CROCC2: variants seen among roughly 807,000 people sequenced by gnomAD.
CROCC2 encodes the protein ciliary rootlet coiled-coil, rootletin family member 2.
CROCC2 carries 163 observed loss-of-function variants against 177.6 expected under a neutral mutation model. That is an observed-to-expected ratio of 0.92 (90% CI 0.81 to 1.05). The LOEUF (loss-of-function observed/expected upper bound fraction) is 1.05, where lower values mean the gene tolerates loss of function less well. Among genes scored for constraint, CROCC2 ranks in the 50% least tolerant of loss-of-function variants. CROCC2 has a pLI of 0.00. For missense variants in CROCC2, 1,929 were observed against 1,797.8 expected, an observed-to-expected ratio of 1.07 and a Z score of -1.32; for synonymous variants, 904 against 787.3, an observed-to-expected ratio of 1.15 and a Z score of -2.48.
At chr2:240,938,795 A>G (rs982599324) in intron 14 of CROCC2, among the ~76,000 whole-genome samples, 3 of 152,110 alleles carry the variant, frequency 2.0e-5, no homozygotes, top group Non-Finnish European at 4.4e-5. Context: ...GATTAGGTTA[A>G]TTCTAGATTT....
At chr2:240,912,627 C>T (rs987337295) in intron 1 of CROCC2, among the ~76,000 whole-genome samples, 3 of 152,218 alleles carry the variant, frequency 2.0e-5, no homozygotes, top group Admixed American at 2.0e-4. Context: ...CCAGCCTGCC[C>T]AGCCCTGTGG....
intron 31 of CROCC2, among the ~76,000 whole-genome samples, chr2:240,992,368 C>G (rs996214722): frequency 3.3e-5 from 5 of 152,250 alleles, no homozygotes; most frequent in African/African-American, 1.2e-4. Context: ...ATCACAGTTA[C>G]TGTGAGCCTT....
In CROCC2 at chr2:240,989,776, G is replaced by C. The variant is rs1650978856; in HGVS notation, c.4806G>C (p.Gln1602His). Residue 1602 changes from glutamine (Q) to histidine (H), a missense_variant, in exon 30 of 32, where the codon CAG (glutamine) becomes CAC (histidine). Coordinates refer to ENST00000690015, the MANE Select transcript of CROCC2 (RefSeq NM_001351305.2). ...RLHGARPQATQALESQEWTHQ... is the reference protein window; with the variant it reads ...RLHGARPQATHALESQEWTHQ... Reference sequence around the variant, plus strand: ...ATGGGGCCCGGCCGCAGGCCACGCAGGCCCTGGAGTCCCAAGAATGGACCC... The same window carrying C: ...ATGGGGCCCGGCCGCAGGCCACGCACGCCCTGGAGTCCCAAGAATGGACCC... 1.0e-5 allele frequency: 16 copies of C among 1,550,010 alleles called. No individual in the cohort carries two copies. The highest frequency in any genetic ancestry group is 1.3e-5 in the Non-Finnish European group (15 of 1,146,642).
In CROCC2 at chr2:240,949,393, C is replaced by G. The variant is rs1262861213; in HGVS notation, c.2483-140C>G. ...TGTACCCTTGACCCTGCTCAGCCCA[C>G]CCTGCCATGTGCTGGCCACCCACTC... On this transcript the variant is annotated intron_variant, in intron 16 of 31. Coordinates refer to ENST00000690015, the MANE Select transcript of CROCC2 (RefSeq NM_001351305.2). The surrounding 1 kb of genome is among the most constrained non-coding windows in gnomAD (Gnocchi z 4.5). The G allele has an allele frequency of 8.8e-7, 1 of 1,138,820 alleles. No homozygotes were observed. The highest frequency in any genetic ancestry group is 1.6e-5 in the African/African-American group (1 of 64,140). 70.5% of individuals were successfully genotyped at this position (1,138,820 alleles called of 1,614,324 possible). A position where few individuals can be genotyped will look rare whatever the true frequency, so the allele number is the denominator to read the frequency against.
chr2:240,975,702 A>G (rs2059755929), intron 27 of CROCC2, among the ~76,000 whole-genome samples: 1 of 145,346 alleles, frequency 6.9e-6, no homozygotes, highest in Non-Finnish European at 1.5e-5. Flanking sequence ...CTCAGAATCC[A>G]GCATCCAACC....
rs553659432 is a variant in CROCC2 at position 240,928,996 on chromosome 2, C to T, written c.646-1170C>T. Among the ~76,000 whole-genome samples the T allele has an allele frequency of 2.8e-4, 43 of 151,676 alleles. No individual in the cohort carries two copies. The South Asian group carries it at 8.2e-3, about 29-fold the overall frequency. On this transcript the variant is annotated intron_variant, in intron 5 of 31. Coordinates refer to ENST00000690015, the MANE Select transcript of CROCC2 (RefSeq NM_001351305.2). Reference sequence around the variant, plus strand: ...AGGTATGGGTTCAGAGAGTCGTGCCCTCCAGCGGGTGCATGGCCAGGTGTA... The same window carrying T: ...AGGTATGGGTTCAGAGAGTCGTGCCTTCCAGCGGGTGCATGGCCAGGTGTA...
intron 27 of CROCC2, among the ~76,000 whole-genome samples, chr2:240,974,212 C>A (rs183218327): frequency 1.1e-4 from 16 of 152,218 alleles, no homozygotes; most frequent in African/African-American, 3.4e-4. Flanking sequence ...TGTTTCTTTC[C>A]CTTAATCTGA....
At chr2:240,916,962 C>A (rs548925087) in intron 1 of CROCC2, among the ~76,000 whole-genome samples, 5 of 152,314 alleles carry the variant, frequency 3.3e-5, no homozygotes, top group South Asian at 4.1e-4. Context: ...GTGGTCTTGG[C>A]ACCTGGGTCC....
At chr2:240,933,980 CT>C in intron 11 of CROCC2, 128 bp downstream of exon 11, 1 of 1,079,322 alleles carries the variant, frequency 9.3e-7, no homozygotes. Context: ...TGTGGTGGCC[CT>C]AACAGGGCAG....
At chr2:240,964,763 C>G in intron 22 of CROCC2, 138 bp downstream of exon 22, 1 of 1,107,504 alleles carries the variant, frequency 9.0e-7, no homozygotes, top group Non-Finnish European at 1.3e-6. Context: ...GGGCCACGCC[C>G]TGCTCAGGCT....
chr2:240,925,656 G>A lies in CROCC2; in HGVS notation c.489-68G>A, dbSNP rs1235308969. On this transcript the variant is annotated intron_variant, in intron 4 of 31. Transcript: ENST00000690015. Reference sequence around the variant, plus strand: ...GGTTCCATTCAAGCCCCTTGACTTGGGGACTCTGAGCGCCTCTCTTAGGAG... The same window carrying A: ...GGTTCCATTCAAGCCCCTTGACTTGAGGACTCTGAGCGCCTCTCTTAGGAG... The A allele has an allele frequency of 1.4e-5, 9 of 638,394 alleles. No individual in the cohort carries two copies. In the South Asian group the frequency reaches 1.7e-4, roughly 12 times the overall value. 39.5% of individuals were successfully genotyped at this position (638,394 alleles called of 1,614,324 possible).
At position 240,917,141 on chromosome 2, in the gene CROCC2, G is replaced by GGGCTGT. The variant is rs2059326014; in HGVS notation, c.79-1584_79-1579dup. 6.6e-6 allele frequency among the ~76,000 whole-genome samples: 1 copy of GGGCTGT among 152,142 alleles called. No homozygotes were observed. On this transcript the variant is annotated intron_variant, in intron 1 of 31. Coordinates refer to ENST00000690015, the MANE Select transcript of CROCC2 (RefSeq NM_001351305.2). The surrounding 1 kb of genome is among the most constrained non-coding windows in gnomAD (Gnocchi z 4.9). Reference sequence around the variant, plus strand: ...GACTGAGAGACAGACCCTGGTGCACGGGCTGTCGGGAGGACGGGCGGGCTG... The same window carrying GGGCTGT: ...GACTGAGAGACAGACCCTGGTGCACGGGCTGTGGCTGTCGGGAGGACGGGCGGGCTG...
chr2:240,989,895 C>G, intron 30 of CROCC2, 62 bp downstream of exon 30: 1 of 1,442,046 alleles, frequency 6.9e-7, no homozygotes, highest in South Asian at 1.4e-5. Context: ...ACTGGCATCC[C>G]CGCAGTCACC....
chr2:240,933,264 G>A lies in CROCC2; in HGVS notation c.1385G>A (p.Arg462Gln), dbSNP rs576653762. 1.7e-4 allele frequency: 265 copies of A among 1,548,244 alleles called. 2 individuals are homozygous for A. In the East Asian group the frequency reaches 3.3e-3, roughly 19 times the overall value. The stretch of plus-strand genomic sequence containing the variant: ...CGGGCTCGGGAGCAGGCACGGGAAC[G>A]AGAGGCTCTTCGGGGCCAGCTGGAG... ...QERAREQAREREALRGQLEAQ... is the reference protein window; with the variant it reads ...QERAREQAREQEALRGQLEAQ... Residue 462 changes from arginine (R) to glutamine (Q), a missense_variant, in exon 10 of 32, where the codon CGA becomes CAA. By Grantham distance (43) the Arg-to-Gln change is conservative. Coordinates refer to ENST00000690015, the MANE Select transcript of CROCC2 (RefSeq NM_001351305.2).
At chr2:240,951,848 G>A (rs114104270) in intron 18 of CROCC2, among the ~76,000 whole-genome samples, 5,695 of 152,138 alleles carry the variant, frequency 0.037, 324 homozygotes, top group African/African-American at 0.13. Flanking sequence ...ACCAAGCCAA[G>A]CACACAACTA....
intron 15 of CROCC2, among the ~76,000 whole-genome samples, chr2:240,947,790 A>G (rs1574768849): frequency 1.3e-5 from 2 of 151,962 alleles, no homozygotes; most frequent in African/African-American, 4.8e-5. Context: ...GTCCTGGCCC[A>G]CTTGTCAGCC....
In CROCC2 at chr2:240,949,186, A is replaced by ACCCCC; in HGVS notation, c.2482+90_2482+94dup. On this transcript the variant is annotated intron_variant, in intron 16 of 31. Transcript: ENST00000690015. This position sits in a 1 kb window ranked among gnomAD's most constrained non-coding sequence, Gnocchi z 4.5. ...GGAGCTCAGTGCCCACACGTGCTGC[A>ACCCCC]CCCCCTCTCCGGAGCCCACAGGGGC... 1 of 1,449,586 alleles carries ACCCCC rather than the reference A, an allele frequency of 6.9e-7. No individual in the cohort carries two copies. The highest frequency in any genetic ancestry group is 9.0e-7 in the Non-Finnish European group (1 of 1,105,710). 89.8% of individuals were successfully genotyped at this position (1,449,586 alleles called of 1,614,324 possible). A position where few individuals can be genotyped will look rare whatever the true frequency, so the allele number is the denominator to read the frequency against.
intron 14 of CROCC2, among the ~76,000 whole-genome samples, chr2:240,937,404 T>C (rs537920402): frequency 6.6e-6 from 1 of 152,366 alleles, no homozygotes; most frequent in South Asian, 2.1e-4. Context: ...GGAATTTATA[T>C]ATCATGGATA....
In CROCC2 at chr2:240,917,190, G is replaced by A. The variant is rs906174323; in HGVS notation, c.79-1536G>A. On this transcript the variant is annotated intron_variant, in intron 1 of 31. Transcript: ENST00000690015. This position sits in a 1 kb window ranked among gnomAD's most constrained non-coding sequence, Gnocchi z 4.9. ...TGGCCCCAGACCTCAGCTGATAGTG[G>A]GGAGGCGTTTGCTGAGTGGCTGCCC... 1.3e-5 allele frequency among the ~76,000 whole-genome samples: 2 copies of A among 152,176 alleles called. No individual in the cohort carries two copies. The highest frequency in any genetic ancestry group is 2.9e-5 in the Non-Finnish European group (2 of 68,040).
Sources: gnomAD v4.1 joint callset for allele counts (sites outside exome capture counted in the v4.1 genomes callset) on GRCh38, gnomAD v4.1.1 for gene constraint, Gnocchi (gnomAD v3.1) non-coding constraint, MANE v1.5 for transcripts, NCBI Gene and HGNC (gene_info 2026-07-23, HGNC 2026-07-21) for gene names.